LZTFL1: variants seen among roughly 807,000 people sequenced by gnomAD.
LZTFL1 encodes leucine zipper transcription factor like 1, also known as leucine zipper transcription factor-like protein 1.
A neutral mutation model predicts 45.9 loss-of-function variants in LZTFL1; 25 were observed. The ratio of observed to expected loss-of-function variants is 0.54; its 90% CI spans 0.40 to 0.76. The LOEUF is 0.76. LZTFL1 is among the 30% of genes least tolerant of loss of function. The pLI, the probability that LZTFL1 is intolerant of heterozygous loss-of-function variation, is 0.00. For synonymous variants in LZTFL1, 93 were observed against 117.4 expected, an observed-to-expected ratio of 0.79 and a Z score of 1.35; for missense variants, 277 against 331.1, an observed-to-expected ratio of 0.84 and a Z score of 1.27.
At chr3:45,885,773 G>A (rs189329173) in intron 2 of LZTFL1, among the ~76,000 whole-genome samples, 1 of 152,334 alleles carries the variant, frequency 6.6e-6, no homozygotes, top group African/African-American at 2.4e-5. Context: ...CCAGGGTGGA[G>A]TGCAGTGGTG....
At chr3:45,837,083 ATAGT>A (rs1371764373) in intron 2 of LZTFL1, among the ~76,000 whole-genome samples, 4 of 152,246 alleles carry the variant, frequency 2.6e-5, no homozygotes, top group Admixed American at 1.3e-4. Context: ...AAGCATTATC[ATAGT>A]TAAACTCAAG....
intron 5 of LZTFL1, 48 bp from the exon 6 acceptor site, chr3:45,831,186 T>C: frequency 1.0e-6 from 1 of 957,178 alleles, no homozygotes; most frequent in East Asian, 2.7e-5. Context: ...AATATTTTAA[T>C]ATTTGAAATT....
chr3:45,890,273 T>TATATATATTTATATAAATATATATATAAC (rs1559421353), intron 2 of LZTFL1, among the ~76,000 whole-genome samples: 286 of 20,890 alleles, frequency 0.014, 103 homozygotes, highest in African/African-American at 0.028. Context: ...ATATATAACA[T>TATATATATTTATATAAATATATATATAAC]ATATATATAT....
chr3:45,839,987 C>T (rs1423588255), intron 1 of LZTFL1, among the ~76,000 whole-genome samples: 3 of 152,158 alleles, frequency 2.0e-5, no homozygotes, highest in African/African-American at 7.2e-5. Flanking sequence ...ATTACTACCT[C>T]GTATTATTGA....
chr3:45,884,609 C>T (rs559954305), intron 2 of LZTFL1, among the ~76,000 whole-genome samples: 3 of 152,152 alleles, frequency 2.0e-5, no homozygotes, highest in Non-Finnish European at 4.4e-5. Flanking sequence ...CTTCCTCCCC[C>T]GAGACTCACT....
intron 2 of LZTFL1, among the ~76,000 whole-genome samples, chr3:45,878,596 A>G (rs904441930): frequency 5.1e-5 from 7 of 136,568 alleles, no homozygotes; most frequent in African/African-American, 8.7e-5. Context: ...GCCCTCAAGT[A>G]AAAAAAAAAA....
chr3:45,830,702 C>T (rs561721240), intron 7 of LZTFL1, among the ~76,000 whole-genome samples: 5 of 152,108 alleles, frequency 3.3e-5, no homozygotes, highest in Non-Finnish European at 7.4e-5. Context: ...TATGTACTGT[C>T]CCCTCTGCCC....
At chr3:45,881,982 C>T (rs915052456) in intron 2 of LZTFL1, among the ~76,000 whole-genome samples, 6 of 152,208 alleles carry the variant, frequency 3.9e-5, no homozygotes, top group Non-Finnish European at 8.8e-5. Context: ...AATTAAATAA[C>T]GATTTTAAAA....
intron 1 of LZTFL1, 66 bp downstream of exon 1, chr3:45,841,921 TCA>T: frequency 6.3e-7 from 1 of 1,580,132 alleles, no homozygotes; most frequent in Middle Eastern, 1.7e-4. Context: ...GCCCACCCGC[TCA>T]GTGTCTCCAG....
In LZTFL1 at chr3:45,900,742, C is replaced by A. The variant is rs924477396; in HGVS notation, c.-215+12378G>T. The A allele has an allele frequency of 3.3e-6, 5 of 1,520,556 alleles. No individual in the cohort carries two copies. Among genetic ancestry groups the A allele is most frequent in the Admixed American group, 3.7e-5 (2 of 54,352 alleles). 94.2% of individuals were successfully genotyped at this position (1,520,556 alleles called of 1,614,324 possible). On this transcript the variant is annotated intron_variant, in intron 2 of 4. Transcript: ENST00000472635. The surrounding 1 kb of genome is among the most constrained non-coding windows in gnomAD (Gnocchi z 4.7). ...GGTTGGAAGGGTCAAGAGGTCCATG[C>A]CTCTGCCATCAGACAGGACCTTCAA...
chr3:45,828,251 A>G (rs943572146), intron 8 of LZTFL1, among the ~76,000 whole-genome samples, 188 bp downstream of exon 8: 1 of 152,232 alleles, frequency 6.6e-6, no homozygotes, highest in Non-Finnish European at 1.5e-5. Context: ...CAGATATTTT[A>G]GTACCAAAGA....
intron 2 of LZTFL1, among the ~76,000 whole-genome samples, chr3:45,879,933 A>C (rs1042477883): frequency 7.9e-5 from 12 of 152,204 alleles, no homozygotes; most frequent in African/African-American, 2.4e-4. Context: ...ATCACTAGAA[A>C]TGTTCCCTGG....
chr3:45,893,128 C>T (rs112535875), intron 2 of LZTFL1, among the ~76,000 whole-genome samples: 3,583 of 152,028 alleles, frequency 0.024, 61 homozygotes, highest in Non-Finnish European at 0.035. Context: ...TCCTGCCCTC[C>T]CACACTCCCC....
intron 2 of LZTFL1, chr3:45,886,789 TA>T (rs776305049): frequency 1.7e-4 from 26 of 152,374 alleles, no homozygotes; most frequent in Non-Finnish European, 3.5e-4. Flanking sequence ...GGCACTTTTC[TA>T]GAAACTTCCA....
At chr3:45,853,544 A>G (rs989844313) in intron 4 of LZTFL1, among the ~76,000 whole-genome samples, 2 of 152,220 alleles carry the variant, frequency 1.3e-5, no homozygotes, top group African/African-American at 4.8e-5. Flanking sequence ...TAGGACACCC[A>G]TGTATTTTCT....
chr3:45,828,458 T>G lies in LZTFL1; in HGVS notation c.758A>C (p.Gln253Pro). ...TCTGACCTTTTCAGCCATGTGCAGC[T>G]GCTCCTGAACCCTGAGTAGATCGTG... ...AKHDLLRVQE[Q>P]LHMAEKELEK... Residue 253 changes from glutamine to proline, a missense_variant, in exon 8 of 10, where the codon CAG (glutamine) becomes CCG (proline). Transcript: ENST00000296135. 1 of 1,613,598 alleles carries G rather than the reference T, an allele frequency of 6.2e-7. No homozygotes were observed. The highest frequency in any genetic ancestry group is 1.1e-5 in the South Asian group (1 of 91,002).
chr3:45,913,079 C>T lies in LZTFL1; in HGVS notation c.-215+41G>A, dbSNP rs1233570540. 16 of 1,524,028 alleles carry T rather than the reference C, an allele frequency of 1.0e-5. No homozygotes were observed. The South Asian group carries it at 1.1e-4, about 10-fold the overall frequency. 94.4% of individuals were successfully genotyped at this position (1,524,028 alleles called of 1,614,324 possible). A position where few individuals can be genotyped will look rare whatever the true frequency, so the allele number is the denominator to read the frequency against. On this transcript the variant is annotated intron_variant, in intron 2 of 4. Coordinates refer to the LZTFL1 transcript ENST00000472635. Reference sequence around the variant, plus strand: ...CACTCCTACAGCTGTCTCAGCATAACGCAGTAGCAGTAATATGTTCTGTAA... The same window carrying T: ...CACTCCTACAGCTGTCTCAGCATAATGCAGTAGCAGTAATATGTTCTGTAA...
At chr3:45,882,319 A>G (rs1267726590) in intron 2 of LZTFL1, among the ~76,000 whole-genome samples, 1 of 152,186 alleles carries the variant, frequency 6.6e-6, no homozygotes, top group East Asian at 1.9e-4. Flanking sequence ...TCATAATGTC[A>G]CCACCAACTA....
intron 2 of LZTFL1, among the ~76,000 whole-genome samples, chr3:45,898,410 C>G (rs900497934): frequency 6.6e-6 from 1 of 152,248 alleles, no homozygotes; most frequent in African/African-American, 2.4e-5. Flanking sequence ...AGAAACATCT[C>G]TAAGTGTAAA....
Sources: allele counts gnomAD v4.1 joint callset (sites outside exome capture counted in the v4.1 genomes callset), GRCh38; gene constraint gnomAD v4.1.1; non-coding constraint Gnocchi (gnomAD v3.1); transcripts MANE v1.5; gene names NCBI Gene and HGNC (gene_info 2026-07-23, HGNC 2026-07-21).